Variants in ASPRV1 observed in about 807,000 individuals in gnomAD.
The protein encoded by ASPRV1 is retroviral-like aspartic protease 1.
In ASPRV1, 7 loss-of-function variants were observed where a neutral mutation model predicts 11.0. The observed-to-expected ratio is 0.64, with a 90% CI of 0.36 to 1.20. ASPRV1 has a LOEUF of 1.20. Ranked by LOEUF, ASPRV1 falls within the 50% of genes most tolerant of loss-of-function variation. The pLI is 0.02. For synonymous variants in ASPRV1, 136 were observed against 138.4 expected (o/e 0.98, Z 0.12); for missense variants, 299 against 320.0 (o/e 0.93, Z 0.50).
the ASPRV1 span, among the ~76,000 whole-genome samples, chr2:70,000,318 C>CA: frequency 3.6e-3 from 277 of 76,778 alleles, 1 homozygote; most frequent in Middle Eastern, 9.3e-3. Context: ...CCCTCATCTC[C>CA]AAAAAAAAAA....
At chr2:70,052,476 G>A in the ASPRV1 span, among the ~76,000 whole-genome samples, 1 of 152,082 alleles carries the variant, frequency 6.6e-6, no homozygotes, top group East Asian at 1.9e-4. Flanking sequence ...CATCTAACAA[G>A]ATTAATAATA....
the ASPRV1 span, among the ~76,000 whole-genome samples, chr2:69,934,846 G>T: frequency 3.3e-5 from 5 of 152,118 alleles, no homozygotes; most frequent in African/African-American, 7.2e-5. Flanking sequence ...CCTCCTGGGT[G>T]GTCATTTGGG....
the ASPRV1 span, among the ~76,000 whole-genome samples, chr2:69,998,351 TA>T: frequency 1.2e-3 from 181 of 145,546 alleles, no homozygotes; most frequent in Non-Finnish European, 1.5e-3. Flanking sequence ...AAAAGTCACT[TA>T]AAAAAAAAAA....
At chr2:69,951,446 AGTGTGTGT>A in the ASPRV1 span, among the ~76,000 whole-genome samples, 1,161 of 107,342 alleles carry the variant, frequency 0.011, 14 homozygotes, top group African/African-American at 0.036. Context: ...AAAAAAAGTG[AGTGTGTGT>A]GTGTGTGTGT....
At chr2:70,025,639 C>A in the ASPRV1 span, among the ~76,000 whole-genome samples, 3 of 152,268 alleles carry the variant, frequency 2.0e-5, no homozygotes, top group African/African-American at 4.8e-5. Flanking sequence ...CCCTTAGCAG[C>A]CCCTCAGGCA....
the ASPRV1 span, among the ~76,000 whole-genome samples, chr2:70,075,619 G>A: frequency 1.3e-5 from 2 of 152,276 alleles, no homozygotes; most frequent in East Asian, 3.9e-4. Context: ...GGCTGAGGCA[G>A]GCAGATCACC....
upstream of ASPRV1, chr2:69,963,276 C>T (rs766527130): frequency 1.5e-4 from 67 of 456,320 alleles, no homozygotes; most frequent in South Asian, 8.8e-4. Context: ...ATGGAGTCAC[C>T]GAGAAGGTGT....
chr2:69,979,994 A>G, the ASPRV1 span, among the ~76,000 whole-genome samples: 1 of 152,210 alleles, frequency 6.6e-6, no homozygotes, highest in African/African-American at 2.4e-5. Context: ...CTCAGAAAAT[A>G]GAATGAGATT....
the ASPRV1 span, among the ~76,000 whole-genome samples, chr2:70,066,704 C>A: frequency 6.6e-6 from 1 of 151,958 alleles, no homozygotes; most frequent in Non-Finnish European, 1.5e-5. Flanking sequence ...CTCAAATGAT[C>A]CTCCCACTTC....
chr2:70,051,482 TG>T, the ASPRV1 span, among the ~76,000 whole-genome samples: 4 of 152,220 alleles, frequency 2.6e-5, no homozygotes, highest in South Asian at 4.1e-4. Context: ...GAATTTATCC[TG>T]AAGAGATAGT....
chr2:70,007,405 C>T, the ASPRV1 span, among the ~76,000 whole-genome samples: 1 of 151,996 alleles, frequency 6.6e-6, no homozygotes, highest in East Asian at 1.9e-4. Flanking sequence ...CCTGTAATTC[C>T]AGCTACTTGG....
At chr2:69,999,468 A>G in the ASPRV1 span, among the ~76,000 whole-genome samples, 1 of 152,030 alleles carries the variant, frequency 6.6e-6, no homozygotes, top group Non-Finnish European at 1.5e-5. Flanking sequence ...AGACTGGCCA[A>G]CATGGTGAAA....
chr2:69,987,557 G>A, the ASPRV1 span, among the ~76,000 whole-genome samples: 1 of 140,986 alleles, frequency 7.1e-6, no homozygotes. Context: ...ACCAGTGCAG[G>A]CAACAAAGTG....
chr2:69,956,373 A>G (rs183879000), downstream of ASPRV1, among the ~76,000 whole-genome samples: 873 of 151,778 alleles, frequency 5.8e-3, 9 homozygotes, highest in African/African-American at 0.02. Context: ...ACTTGAGCCC[A>G]GGAGTTTGAG....
At chr2:70,060,218 G>GT in the ASPRV1 span, 3 of 151,120 alleles carry the variant, frequency 2.0e-5, no homozygotes, top group African/African-American at 7.3e-5. Context: ...GCGCACATCT[G>GT]TAATTCCAGC....
the ASPRV1 span, among the ~76,000 whole-genome samples, chr2:70,068,771 TA>T: frequency 0.018 from 2,273 of 129,668 alleles, 18 homozygotes; most frequent in Middle Eastern, 0.031. Flanking sequence ...GCGTCTCTAC[TA>T]AAAAAAAAAA....
chr2:70,023,760 T>C, the ASPRV1 span, among the ~76,000 whole-genome samples: 1 of 152,190 alleles, frequency 6.6e-6, no homozygotes, highest in Non-Finnish European at 1.5e-5. Flanking sequence ...TTTTTAAAAG[T>C]CCTTTTTTCT....
At chr2:70,055,967 G>A in the ASPRV1 span, 2 of 152,012 alleles carry the variant, frequency 1.3e-5, no homozygotes, top group South Asian at 2.1e-4. Context: ...ATGAATGAAT[G>A]GCTAAACTAT....
the ASPRV1 span, among the ~76,000 whole-genome samples, chr2:70,074,047 T>C: frequency 7.6e-6 from 1 of 132,314 alleles, no homozygotes; most frequent in Non-Finnish European, 1.5e-5. Context: ...GGCAGGAGAA[T>C]GGCGTGAACC....
Sources: gnomAD v4.1 joint callset for allele counts (sites outside exome capture counted in the v4.1 genomes callset) on GRCh38, gnomAD v4.1.1 for gene constraint, MANE v1.5 for transcripts, NCBI Gene and HGNC (gene_info 2026-07-23, HGNC 2026-07-21) for gene names.